ZBTB20: variants seen among roughly 807,000 people sequenced by gnomAD.
ZBTB20 encodes zinc finger and BTB domain-containing protein 20.
Under a neutral mutation model 56.9 loss-of-function variants are expected in ZBTB20, and 9 were observed. The ratio of observed to expected loss-of-function variants is 0.16; its 90% CI spans 0.10 to 0.28. ZBTB20 has a LOEUF of 0.28. Among genes scored for constraint, ZBTB20 ranks in the 10% least tolerant of loss-of-function variants. The pLI is 1.00. For missense variants in ZBTB20, 655 were observed against 1,003.0 expected, an observed-to-expected ratio of 0.65 and a Z score of 4.69; for synonymous variants, 417 against 420.7, an observed-to-expected ratio of 0.99 and a Z score of 0.11.
intron 7 of ZBTB20, among the ~76,000 whole-genome samples, chr3:114,398,177 C>G (rs998374942): frequency 1.3e-5 from 2 of 151,984 alleles, no homozygotes; most frequent in African/African-American, 4.8e-5. Flanking sequence ...TGCTTTAGCC[C>G]ATAATGTTTT....
intron 6 of ZBTB20, among the ~76,000 whole-genome samples, chr3:114,565,574 G>A (rs571448160): frequency 1.3e-5 from 2 of 152,086 alleles, no homozygotes; most frequent in Non-Finnish European, 2.9e-5. Flanking sequence ...ACAGGCATAC[G>A]TTTAGGGTGC....
chr3:114,991,551 G>C (rs1297659997), intron 2 of ZBTB20, among the ~76,000 whole-genome samples: 1 of 152,104 alleles, frequency 6.6e-6, no homozygotes, highest in Non-Finnish European at 1.5e-5. Flanking sequence ...GAATAAGTGC[G>C]ATGTGGTGCT....
In ZBTB20 at chr3:114,699,559, C is replaced by T. The variant is rs530596712; in HGVS notation, c.-342-5984G>A. 7.9e-5 allele frequency among the ~76,000 whole-genome samples: 12 copies of T among 152,022 alleles called. No homozygotes were observed. The South Asian group carries it at 8.3e-4, about 11-fold the overall frequency. On this transcript the variant is annotated intron_variant, in intron 5 of 11. Coordinates refer to ENST00000675478, the MANE Select transcript of ZBTB20 (RefSeq NM_001348800.3). ...AACTACAATTTCTCAAAAATTCCAG[C>T]GAAGATTCAACTTAAAGCATGTTTA...
chr3:114,347,159 CTT>C (rs1448575819), intron 11 of ZBTB20, among the ~76,000 whole-genome samples: 1 of 134,646 alleles, frequency 7.4e-6, no homozygotes, highest in East Asian at 2.4e-4. Context: ...CTCAAGTGAT[CTT>C]CCCGCCTCAG....
chr3:114,421,807 A>T (rs961038501), intron 7 of ZBTB20, among the ~76,000 whole-genome samples: 6 of 147,626 alleles, frequency 4.1e-5, no homozygotes, highest in African/African-American at 1.5e-4. Context: ...AAGACTACAG[A>T]TTTTTTTTTT....
At chr3:114,994,058 A>G (rs978311823) in intron 2 of ZBTB20, among the ~76,000 whole-genome samples, 1 of 151,806 alleles carries the variant, frequency 6.6e-6, no homozygotes, top group Non-Finnish European at 1.5e-5. Flanking sequence ...AAAAAATATT[A>G]ATCATTAAAT....
chr3:114,643,936 C>T (rs773349445), intron 6 of ZBTB20, among the ~76,000 whole-genome samples: 3 of 152,100 alleles, frequency 2.0e-5, no homozygotes, highest in Admixed American at 6.6e-5. Flanking sequence ...CTTTCAACTG[C>T]TCCTTAACAG....
chr3:114,633,824 G>C (rs1486581334), intron 6 of ZBTB20, among the ~76,000 whole-genome samples: 1 of 152,042 alleles, frequency 6.6e-6, no homozygotes, highest in Non-Finnish European at 1.5e-5. Context: ...TCCAAATCTA[G>C]AGATGAAAAA....
chr3:114,843,966 C>T (rs1185265689), intron 4 of ZBTB20, among the ~76,000 whole-genome samples: 2 of 151,954 alleles, frequency 1.3e-5, no homozygotes, highest in Non-Finnish European at 2.9e-5. Flanking sequence ...GGATTACAGG[C>T]GTGAGCCACC....
At chr3:114,859,909 CA>C (rs2075435628) in intron 4 of ZBTB20, among the ~76,000 whole-genome samples, 2 of 152,168 alleles carry the variant, frequency 1.3e-5, no homozygotes, top group Admixed American at 6.6e-5. Context: ...GTTTGAACAA[CA>C]AAACAGAATA....
chr3:114,822,277 T>C (rs2073298405), intron 4 of ZBTB20, among the ~76,000 whole-genome samples: 1 of 152,100 alleles, frequency 6.6e-6, no homozygotes, highest in African/African-American at 2.4e-5. Flanking sequence ...AAAAATCTAA[T>C]TGTTTTTGCC....
At chr3:114,852,424 C>T (rs373415429) in intron 4 of ZBTB20, among the ~76,000 whole-genome samples, 5 of 151,616 alleles carry the variant, frequency 3.3e-5, no homozygotes, top group African/African-American at 7.3e-5. Context: ...CCACCATGCC[C>T]GGCTAATTTT....
chr3:115,001,531 AT>A (rs150068271), intron 2 of ZBTB20, among the ~76,000 whole-genome samples: 13,802 of 149,284 alleles, frequency 0.092, 1,840 homozygotes, highest in African/African-American at 0.29. Flanking sequence ...AAGTTTAGGG[AT>A]TTTTTTTTTA....
intron 5 of ZBTB20, among the ~76,000 whole-genome samples, chr3:114,720,404 T>C (rs2064834743): frequency 6.6e-6 from 1 of 152,092 alleles, no homozygotes; most frequent in African/African-American, 2.4e-5. Context: ...TTCTATAATT[T>C]CTGTTCTATA....
At chr3:114,666,172 C>A (rs747660591) in intron 6 of ZBTB20, among the ~76,000 whole-genome samples, 1 of 151,898 alleles carries the variant, frequency 6.6e-6, no homozygotes, top group Non-Finnish European at 1.5e-5. Flanking sequence ...TGTCTATTTC[C>A]CTGTGAGAAG....
intron 6 of ZBTB20, among the ~76,000 whole-genome samples, chr3:114,536,607 T>C (rs896754395): frequency 6.6e-6 from 1 of 152,110 alleles, no homozygotes; most frequent in African/African-American, 2.4e-5. Context: ...CAAGCTACCA[T>C]TGATTTTCTT....
chr3:114,782,643 A>T lies in ZBTB20; in HGVS notation c.-343+18458T>A, dbSNP rs141872261. 3.0e-3 allele frequency among the ~76,000 whole-genome samples: 460 copies of T among 152,324 alleles called. 3 individuals carry two copies. The highest frequency in any genetic ancestry group is 0.011 in the African/African-American group (437 of 41,570). Reference sequence around the variant, plus strand: ...CCTAATAAACCATGGAAAAAGCCTGAAAATAAATTCAATAAATAGAGTCCT... The same window carrying T: ...CCTAATAAACCATGGAAAAAGCCTGTAAATAAATTCAATAAATAGAGTCCT... On this transcript the variant is annotated intron_variant, in intron 5 of 11. Transcript: ENST00000675478.
At chr3:114,522,591 T>C (rs2046765951) in intron 6 of ZBTB20, among the ~76,000 whole-genome samples, 1 of 151,928 alleles carries the variant, frequency 6.6e-6, no homozygotes, top group South Asian at 2.1e-4. Flanking sequence ...GGGAAGACAA[T>C]TAGGAGGCTA....
At chr3:114,964,529 GC>G (rs1018388118) in intron 3 of ZBTB20, among the ~76,000 whole-genome samples, 6 of 152,128 alleles carry the variant, frequency 3.9e-5, no homozygotes, top group African/African-American at 1.2e-4. Flanking sequence ...GATAAATAAG[GC>G]CTCTGCTGGT....
Sources: allele counts gnomAD v4.1 joint callset (sites outside exome capture counted in the v4.1 genomes callset), GRCh38; gene constraint gnomAD v4.1.1; transcripts MANE v1.5; gene names NCBI Gene and HGNC (gene_info 2026-07-23, HGNC 2026-07-21).